Variants in SMARCA4 observed in about 807,000 individuals in gnomAD.
The protein encoded by SMARCA4 is SWI/SNF-related matrix-associated actin-dependent regulator of chromatin subfamily A member 4.
In SMARCA4, 31 loss-of-function variants were observed where a neutral mutation model predicts 193.9. The observed-to-expected ratio is 0.16, with a 90% CI of 0.12 to 0.22. The LOEUF (loss-of-function observed/expected upper bound fraction) is 0.22, where lower values mean the gene tolerates loss of function less well. Ranked by LOEUF, SMARCA4 falls within the 10% of genes least tolerant of loss-of-function variation. The probability of loss-of-function intolerance (pLI) is 1.00; values close to 1 mark genes in which losing one functional copy is unlikely to be tolerated. For missense variants in SMARCA4, 1,148 were observed against 2,296.0 expected, an observed-to-expected ratio of 0.50 and a Z score of 10.22; for synonymous variants, 942 against 933.1, an observed-to-expected ratio of 1.01 and a Z score of -0.17.
chr19:11,006,181 G>C (rs1218003973), intron 13 of SMARCA4, among the ~76,000 whole-genome samples: 6 of 152,334 alleles, frequency 3.9e-5, no homozygotes, highest in Non-Finnish European at 8.8e-5. Flanking sequence ...ACAATCAACT[G>C]TGTTGTATTT....
intron 30 of SMARCA4, among the ~76,000 whole-genome samples, chr19:11,049,235 C>T (rs2076117589): frequency 6.6e-6 from 1 of 152,028 alleles, no homozygotes; most frequent in African/African-American, 2.4e-5. Context: ...GCGCCAGCAC[C>T]AGGGGCCTCA....
intron 8 of SMARCA4, among the ~76,000 whole-genome samples, chr19:10,992,419 C>CT (rs2086637265): frequency 7.0e-6 from 1 of 142,230 alleles, no homozygotes; most frequent in Non-Finnish European, 1.5e-5. Context: ...GCCTGGCCAA[C>CT]ATTTTTTTTT....
chr19:10,994,175 G>T (rs1325399840), intron 8 of SMARCA4, among the ~76,000 whole-genome samples: 1 of 152,006 alleles, frequency 6.6e-6, no homozygotes, highest in Non-Finnish European at 1.5e-5. Context: ...GAGTAGCTGG[G>T]ATTACAGGCA....
chr19:10,996,442 G>T lies in SMARCA4; in HGVS notation c.1762-52G>T, dbSNP rs1271457467. On this transcript the variant is annotated intron_variant, in intron 10 of 34. Transcript: ENST00000344626. Reference sequence around the variant, plus strand: ...GATGGGAGCAGCCGTCTTCACGTGTGTGGCCTCAGCCTTGTGGGTCAGGGC... The same window carrying T: ...GATGGGAGCAGCCGTCTTCACGTGTTTGGCCTCAGCCTTGTGGGTCAGGGC... The T allele has an allele frequency of 2.7e-5, 43 of 1,613,722 alleles. No homozygotes were observed. The Middle Eastern group carries it at 6.6e-4, about 25-fold the overall frequency.
chr19:11,024,277 G>C, intron 20 of SMARCA4, 54 bp from the exon 21 acceptor site: 4 of 1,241,044 alleles, frequency 3.2e-6, no homozygotes, highest in South Asian at 1.2e-5. Context: ...CGGATGGGGG[G>C]AGTCAGGCCT....
At chr19:11,024,260 C>A in intron 20 of SMARCA4, 71 bp from the exon 21 acceptor site, 1 of 1,041,642 alleles carries the variant, frequency 9.6e-7, no homozygotes, top group Non-Finnish European at 1.5e-6. Flanking sequence ...GGGGTCAGAG[C>A]TGGGTTCGGA....
chr19:10,991,121 G>A (rs2145876712), intron 7 of SMARCA4, 29 bp from the exon 8 acceptor site: 1 of 1,612,332 alleles, frequency 6.2e-7, no homozygotes, highest in Non-Finnish European at 8.5e-7. Context: ...GCTGTGCAGT[G>A]CGCGGGCTTG....
rs1160748623 is a variant in SMARCA4 at position 10,987,860 on chromosome 19, A to C, written c.1054A>C (p.Ile352Leu). ...MVPLHQKQSR[I>L]TPIQKPRGLD... ...GCCACTGCACCAGAAGCAGAGCCGC[A>C]TCACCCCCATCCAGAAGCCGCGGGG... Residue 352 changes from isoleucine (I) to leucine (L), a missense_variant, in exon 6 of 35, where the codon ATC (isoleucine) becomes CTC (leucine). Physicochemically the swap from Ile to Leu is conservative, Grantham distance 5. Around this residue, in one of 17 missense-constraint regions of SMARCA4, gnomAD observed 257 missense variants for 276.5 expected, o/e 0.93. Transcript: ENST00000344626. The surrounding 1 kb of genome is among the most constrained non-coding windows in gnomAD (Gnocchi z 5.3). 6.2e-7 allele frequency: 1 copy of C among 1,612,544 alleles called. No individual in the cohort carries two copies.
At position 11,050,109 on chromosome 19, in the gene SMARCA4, T is replaced by C. The variant is rs558849027; in HGVS notation, c.4425-8146T>C. The stretch of plus-strand genomic sequence containing the variant: ...GAGACTACGTCTCAAAAAAAAAGAC[T>C]GTGCTAGACGGTGGTGTTGAACTTG... On this transcript the variant is annotated intron_variant, in intron 30 of 34. Transcript: ENST00000344626. Among the ~76,000 whole-genome samples, 11 of 152,258 alleles carry C rather than the reference T, an allele frequency of 7.2e-5. No individual in the cohort carries two copies. In the South Asian group the frequency reaches 1.7e-3, roughly 23 times the overall value.
chr19:11,043,602 C>T (rs2075739504), intron 30 of SMARCA4, among the ~76,000 whole-genome samples: 1 of 151,712 alleles, frequency 6.6e-6, no homozygotes, highest in African/African-American at 2.4e-5. Context: ...TACAGTGAGC[C>T]ATGATCACAC....
At chr19:11,044,935 C>G (rs972791352) in intron 30 of SMARCA4, among the ~76,000 whole-genome samples, 1 of 152,148 alleles carries the variant, frequency 6.6e-6, no homozygotes, top group Non-Finnish European at 1.5e-5. Flanking sequence ...GAGGCCTAAT[C>G]GTACAGGGCC....
At chr19:11,029,018 A>C (rs953517421) in intron 24 of SMARCA4, among the ~76,000 whole-genome samples, 4 of 152,028 alleles carry the variant, frequency 2.6e-5, no homozygotes, top group African/African-American at 9.7e-5. Context: ...TGCCACCCGG[A>C]GTGTGCCCTG....
intron 34 of SMARCA4, among the ~76,000 whole-genome samples, 196 bp from the exon 35 acceptor site, chr19:11,061,588 G>A (rs1195412965): frequency 6.6e-6 from 1 of 152,186 alleles, no homozygotes; most frequent in Non-Finnish European, 1.5e-5. Context: ...GTGTTAGCCA[G>A]GATGGTCTCG....
chr19:10,986,991 C>G lies in SMARCA4; in HGVS notation c.847C>G (p.Pro283Ala). 2 of 1,604,904 alleles carry G rather than the reference C, an allele frequency of 1.2e-6. No homozygotes were observed. The highest frequency in any genetic ancestry group is 1.7e-6 in the Non-Finnish European group (2 of 1,179,218). Residue 283 changes from proline (P) to alanine (A), a missense_variant, in exon 5 of 35, where the codon CCC becomes GCC. Around this residue, in one of 17 missense-constraint regions of SMARCA4, gnomAD observed 257 missense variants for 276.5 expected, o/e 0.93. Transcript: ENST00000344626. The surrounding 1 kb of genome is among the most constrained non-coding windows in gnomAD (Gnocchi z 6.7). ...CCAGCCTCCTGGAGGGCCTCCCAAG[C>G]CCTGGCCTGAAGGTGAGCTCCCTCT... ...PGQPPGGPPK[P>A]WPEGPMANAA...
At chr19:11,042,411 A>T (rs1159929836) in intron 30 of SMARCA4, among the ~76,000 whole-genome samples, 2 of 152,226 alleles carry the variant, frequency 1.3e-5, no homozygotes, top group Non-Finnish European at 2.9e-5. Flanking sequence ...CAAAGGTGTA[A>T]GGCCCATGCC....
chr19:11,047,377 C>T (rs2075998786), intron 30 of SMARCA4, among the ~76,000 whole-genome samples: 1 of 150,924 alleles, frequency 6.6e-6, no homozygotes, highest in South Asian at 2.1e-4. Flanking sequence ...TGACACAGAG[C>T]ACTGCCAACC....
intron 16 of SMARCA4, among the ~76,000 whole-genome samples, chr19:11,018,041 C>G (rs866247639): frequency 2.0e-5 from 3 of 152,240 alleles, no homozygotes; most frequent in Middle Eastern, 3.2e-3. Flanking sequence ...GTCCTTCTGT[C>G]TATTGGCTGT....
At chr19:11,014,721 G>T (rs2089193708) in intron 16 of SMARCA4, among the ~76,000 whole-genome samples, 2 of 152,090 alleles carry the variant, frequency 1.3e-5, no homozygotes, top group South Asian at 4.1e-4. Context: ...GCTCTCCAGG[G>T]TGCTGTTGTT....
chr19:11,023,229 G>A (rs1465417218), intron 19 of SMARCA4, among the ~76,000 whole-genome samples: 1 of 152,204 alleles, frequency 6.6e-6, no homozygotes, highest in Non-Finnish European at 1.5e-5. Context: ...CAGCATGCCC[G>A]CTGCCGGGGG....
Sources: gnomAD v4.1 joint callset for allele counts (sites outside exome capture counted in the v4.1 genomes callset) on GRCh38, gnomAD v4.1.1 for gene constraint, gnomAD v4.1.1 regional missense constraint, Gnocchi (gnomAD v3.1) non-coding constraint, MANE v1.5 for transcripts, NCBI Gene and HGNC (gene_info 2026-07-23, HGNC 2026-07-21) for gene names.